Variants in NPSR1 observed in about 807,000 individuals in gnomAD.
The protein encoded by NPSR1 is neuropeptide S receptor.
In NPSR1, 48 loss-of-function variants were observed where a neutral mutation model predicts 46.9. The ratio of observed to expected loss-of-function variants is 1.02; its 90% CI spans 0.81 to 1.30. NPSR1 has a LOEUF of 1.30. Among genes scored for constraint, NPSR1 ranks in the 50% most tolerant of loss-of-function variants. NPSR1 has a pLI of 0.00. For synonymous variants in NPSR1, 176 were observed against 168.1 expected (o/e 1.05, Z -0.36); for missense variants, 450 against 449.5 (o/e 1.00, Z -0.01).
intron 2 of NPSR1, among the ~76,000 whole-genome samples, chr7:34,759,316 C>A (rs922672766): frequency 6.6e-6 from 1 of 152,114 alleles, no homozygotes; most frequent in Non-Finnish European, 1.5e-5. Flanking sequence ...TTCTTCTATA[C>A]TTATTAGCAG....
intron 3 of NPSR1, among the ~76,000 whole-genome samples, chr7:34,802,130 C>T (rs866956310): frequency 2.0e-5 from 3 of 150,092 alleles, no homozygotes; most frequent in Non-Finnish European, 2.9e-5. Context: ...CGTGAAAATG[C>T]CCATACTGCC....
At chr7:34,828,699 C>G (rs1436069809) in intron 5 of NPSR1, among the ~76,000 whole-genome samples, 1 of 152,212 alleles carries the variant, frequency 6.6e-6, no homozygotes, top group Non-Finnish European at 1.5e-5. Flanking sequence ...AATCCTTGTA[C>G]TTAAAACTGT....
chr7:34,823,738 A>G (rs1004468484), intron 4 of NPSR1, among the ~76,000 whole-genome samples: 3 of 152,206 alleles, frequency 2.0e-5, no homozygotes, highest in African/African-American at 7.2e-5. Context: ...TAAAAAATGG[A>G]AAACAACTTA....
chr7:34,821,306 T>G (rs1003046585), intron 4 of NPSR1, among the ~76,000 whole-genome samples: 3 of 151,816 alleles, frequency 2.0e-5, no homozygotes, highest in Non-Finnish European at 4.4e-5. Flanking sequence ...AATTTTTGTA[T>G]TTTAGTAGAG....
chr7:34,689,189 C>A (rs1793092839), intron 2 of NPSR1, among the ~76,000 whole-genome samples: 1 of 152,170 alleles, frequency 6.6e-6, no homozygotes, highest in Admixed American at 6.5e-5. Flanking sequence ...CAGCCCATTG[C>A]CCAAGTCAGC....
chr7:34,782,800 A>T (rs10282096), intron 3 of NPSR1, among the ~76,000 whole-genome samples: 166 of 152,294 alleles, frequency 1.1e-3, no homozygotes, highest in African/African-American at 3.8e-3. Context: ...TGAAATAGAG[A>T]TATATGCAAT....
chr7:34,836,125 T>C (rs1223080325), intron 6 of NPSR1, among the ~76,000 whole-genome samples: 1 of 152,152 alleles, frequency 6.6e-6, no homozygotes, highest in African/African-American at 2.4e-5. Flanking sequence ...CCAGCCCCCA[T>C]GCAGATCCTA....
At chr7:34,823,399 G>GAAAAAAAAAAAAAAAAAAAAAAAAAA (rs577186339) in intron 4 of NPSR1, among the ~76,000 whole-genome samples, 3 of 68,268 alleles carry the variant, frequency 4.4e-5, no homozygotes, top group African/African-American at 1.0e-4. Flanking sequence ...GACTTCACCA[G>GAAAAAAAAAAAAAAAAAAAAAAAAAA]AAAAAAAAAA....
chr7:34,822,825 T>C (rs1459317311), intron 4 of NPSR1, among the ~76,000 whole-genome samples: 2 of 152,136 alleles, frequency 1.3e-5, no homozygotes, highest in Non-Finnish European at 2.9e-5. Flanking sequence ...AACACCTTCA[T>C]AATTTCAGTG....
chr7:34,687,157 C>CT (rs11298649), intron 2 of NPSR1, among the ~76,000 whole-genome samples: 223 of 141,522 alleles, frequency 1.6e-3, no homozygotes, highest in East Asian at 8.6e-3. Context: ...AAGTATCAGG[C>CT]TTTTTTTTTT....
At chr7:34,854,880 C>T (rs1352936070), downstream of NPSR1, among the ~76,000 whole-genome samples, 1 of 151,814 alleles carries the variant, frequency 6.6e-6, no homozygotes, top group Non-Finnish European at 1.5e-5. Flanking sequence ...AAGTTGACCA[C>T]ATGCTAGGCC....
In NPSR1 at chr7:34,834,471, A is replaced by T. The variant is rs112038282; in HGVS notation, c.757+11A>T. 1 of 1,588,540 alleles carries T rather than the reference A, an allele frequency of 6.3e-7. No individual in the cohort carries two copies. The highest frequency in any genetic ancestry group is 1.3e-5 in the African/African-American group (1 of 74,292). On this transcript the variant is annotated intron_variant, in intron 6 of 8. Transcript: ENST00000360581. Reference sequence around the variant, plus strand: ...TTTCCAACTGCTCAGGTAAGTCTCTACTCTGCATGGCCCAATTCTTGGCTA... The same window carrying T: ...TTTCCAACTGCTCAGGTAAGTCTCTTCTCTGCATGGCCCAATTCTTGGCTA...
At chr7:34,696,699 A>C (rs2128693252) in intron 2 of NPSR1, among the ~76,000 whole-genome samples, 1 of 152,142 alleles carries the variant, frequency 6.6e-6, no homozygotes, top group South Asian at 2.1e-4. Context: ...ACAAAAAGAA[A>C]ATAAAAAGCA....
chr7:34,746,470 A>G (rs1416009961), intron 2 of NPSR1, among the ~76,000 whole-genome samples: 7 of 152,208 alleles, frequency 4.6e-5, no homozygotes, highest in African/African-American at 1.4e-4. Context: ...GTATGTATGT[A>G]TAAAAGAAAA....
chr7:34,692,843 A>C (rs1793334173), intron 2 of NPSR1, among the ~76,000 whole-genome samples: 1 of 152,208 alleles, frequency 6.6e-6, no homozygotes, highest in South Asian at 2.1e-4. Flanking sequence ...GAGATGATTC[A>C]ATTAAGTACA....
At chr7:34,871,220 C>T (rs1791445352) in intron 8 of NPSR1, among the ~76,000 whole-genome samples, 1 of 151,654 alleles carries the variant, frequency 6.6e-6, no homozygotes, top group Admixed American at 6.6e-5. Flanking sequence ...CAGTATGTCA[C>T]ATGGCAAGAG....
At chr7:34,739,996 A>G (rs1173448173) in intron 2 of NPSR1, among the ~76,000 whole-genome samples, 1 of 152,192 alleles carries the variant, frequency 6.6e-6, no homozygotes, top group Non-Finnish European at 1.5e-5. Flanking sequence ...GTCTTCAGCT[A>G]GCAGGGTGAG....
intron 6 of NPSR1, among the ~76,000 whole-genome samples, chr7:34,839,467 T>C (rs1021313343): frequency 2.6e-5 from 4 of 152,276 alleles, no homozygotes; most frequent in East Asian, 1.9e-4. Flanking sequence ...ATTGGCACAA[T>C]AGACAAATGG....
At chr7:34,820,354 C>T (rs1789492133) in intron 4 of NPSR1, among the ~76,000 whole-genome samples, 1 of 152,022 alleles carries the variant, frequency 6.6e-6, no homozygotes. Flanking sequence ...GGTTTCTTCT[C>T]GGTCATTTGG....
Sources: allele counts gnomAD v4.1 joint callset (sites outside exome capture counted in the v4.1 genomes callset), GRCh38; gene constraint gnomAD v4.1.1; transcripts MANE v1.5; gene names NCBI Gene and HGNC (gene_info 2026-07-23, HGNC 2026-07-21).